The following RSPH14 variants were observed in gnomAD, a reference collection of about 807,000 sequenced individuals.
RSPH14 encodes the protein rhabdoid tumor deletion region gene 1.
In RSPH14, 20 loss-of-function variants were observed where a neutral mutation model predicts 26.7. That is an observed-to-expected ratio of 0.75 (90% CI 0.53 to 1.09). The LOEUF (loss-of-function observed/expected upper bound fraction) is 1.09, where lower values mean the gene tolerates loss of function less well. Ranked by LOEUF, RSPH14 falls within the 50% of genes least tolerant of loss-of-function variation. The pLI, the probability that RSPH14 is intolerant of heterozygous loss-of-function variation, is 0.00. For synonymous variants in RSPH14, 177 were observed against 189.3 expected, an observed-to-expected ratio of 0.93 and a Z score of 0.53; for missense variants, 449 against 457.2, an observed-to-expected ratio of 0.98 and a Z score of 0.16.
intron 4 of RSPH14, among the ~76,000 whole-genome samples, chr22:23,130,667 T>A (rs1374784024): frequency 6.6e-6 from 1 of 152,072 alleles, no homozygotes; most frequent in South Asian, 2.1e-4. Context: ...GAATCCAGGA[T>A]AAATTACACA....
intron 4 of RSPH14, among the ~76,000 whole-genome samples, chr22:23,127,979 G>A (rs982882851): frequency 2.0e-5 from 3 of 152,044 alleles, no homozygotes; most frequent in Admixed American, 6.5e-5. Context: ...CTCCACCCCC[G>A]GGCTGCACAC....
At chr22:23,082,684 G>A (rs2068716671) in intron 4 of RSPH14, among the ~76,000 whole-genome samples, 1 of 152,056 alleles carries the variant, frequency 6.6e-6, no homozygotes, top group Non-Finnish European at 1.5e-5. Flanking sequence ...AGGCCAGCCT[G>A]GAAGCCCCTC....
At chr22:23,109,727 GT>G (rs1401323568) in intron 4 of RSPH14, among the ~76,000 whole-genome samples, 8 of 152,350 alleles carry the variant, frequency 5.3e-5, no homozygotes, top group Admixed American at 4.6e-4. Flanking sequence ...GCAGGGTTCA[GT>G]GTTAAAGGCC....
chr22:23,122,799 G>A, intron 4 of RSPH14: 1 of 473,782 alleles, frequency 2.1e-6, no homozygotes. Context: ...CACATCTGTA[G>A]CCCCAAAGCT....
the RSPH14 span, among the ~76,000 whole-genome samples, chr22:23,172,778 A>G: frequency 4.0e-5 from 6 of 151,088 alleles, no homozygotes; most frequent in Admixed American, 4.0e-4. Context: ...GTGAAACCCC[A>G]TCTCTACTAA....
At chr22:23,094,597 A>G (rs1335549040) in intron 4 of RSPH14, among the ~76,000 whole-genome samples, 1 of 152,186 alleles carries the variant, frequency 6.6e-6, no homozygotes, top group African/African-American at 2.4e-5. Flanking sequence ...CTTCTGCAGG[A>G]GTGAGGCAGC....
intron 4 of RSPH14, chr22:23,122,409 G>C (rs1161814377): frequency 1.3e-5 from 2 of 152,872 alleles, no homozygotes; most frequent in Non-Finnish European, 2.9e-5. Context: ...CGGCAGAGAG[G>C]CGGTGCCAGA....
At chr22:23,161,801 G>T in the RSPH14 span, 62 of 536,708 alleles carry the variant, frequency 1.2e-4, no homozygotes, top group Non-Finnish European at 2.4e-5. Flanking sequence ...ACACCACCGG[G>T]CCAGTGCAGG....
At chr22:23,121,601 G>A (rs548207039) in intron 4 of RSPH14, among the ~76,000 whole-genome samples, 9 of 152,272 alleles carry the variant, frequency 5.9e-5, no homozygotes, top group Admixed American at 1.3e-4. Flanking sequence ...GGTTACCAGC[G>A]TCATTGTCAC....
At chr22:23,126,151 G>A (rs906622539) in intron 4 of RSPH14, among the ~76,000 whole-genome samples, 2 of 152,138 alleles carry the variant, frequency 1.3e-5, no homozygotes, top group African/African-American at 2.4e-5. Context: ...CAGTAATTTC[G>A]CCGTGAGCAT....
the RSPH14 span, chr22:23,156,043 T>G: frequency 1.9e-6 from 3 of 1,609,412 alleles, no homozygotes; most frequent in East Asian, 6.7e-5. Flanking sequence ...GTGAGCAACA[T>G]GCCACGTCGG....
At chr22:23,076,665 G>T (rs1302861330) in intron 4 of RSPH14, among the ~76,000 whole-genome samples, 2 of 152,234 alleles carry the variant, frequency 1.3e-5, no homozygotes, top group African/African-American at 2.4e-5. Context: ...TGACTCAGTG[G>T]GGCCTTTGTC....
the RSPH14 span, among the ~76,000 whole-genome samples, chr22:23,168,754 A>G: frequency 6.6e-6 from 1 of 152,108 alleles, no homozygotes; most frequent in African/African-American, 2.4e-5. Context: ...GCCAGTGTCT[A>G]AGCCTGGGCC....
chr22:23,089,576 A>G (rs4822354), intron 4 of RSPH14, among the ~76,000 whole-genome samples: 3 of 151,980 alleles, frequency 2.0e-5, no homozygotes, highest in African/African-American at 7.3e-5. Context: ...ATGACCATGT[A>G]CCCATCCTGA....
chr22:23,144,106 A>AC (rs1358028114), upstream of RSPH14, among the ~76,000 whole-genome samples: 8 of 148,926 alleles, frequency 5.4e-5, no homozygotes, highest in African/African-American at 1.8e-4. Context: ...AAAAAAAAAA[A>AC]AAAAAAAAAA....
chr22:23,175,707 G>A, the RSPH14 span, among the ~76,000 whole-genome samples: 59 of 152,328 alleles, frequency 3.9e-4, 1 homozygote, highest in Admixed American at 9.2e-4. Flanking sequence ...CCTTGGTGAA[G>A]CCCCCTCCTC....
the RSPH14 span, chr22:23,162,143 C>G: frequency 6.0e-6 from 1 of 166,746 alleles, no homozygotes; most frequent in African/African-American, 2.4e-5. Flanking sequence ...CACGGATGCT[C>G]AAGGTTCCTG....
upstream of RSPH14, among the ~76,000 whole-genome samples, chr22:23,148,845 G>A (rs2070947473): frequency 6.6e-6 from 1 of 152,232 alleles, no homozygotes; most frequent in African/African-American, 2.4e-5. Flanking sequence ...CTGACAGAAA[G>A]AAGCAGCCAG....
upstream of RSPH14, chr22:23,142,000 A>G (rs988417149): frequency 1.0e-5 from 10 of 985,162 alleles, no homozygotes; most frequent in Non-Finnish European, 1.2e-5. Context: ...TGGCCAACCT[A>G]TTCAGTTGCC....
Sources: gnomAD v4.1 joint callset for allele counts (sites outside exome capture counted in the v4.1 genomes callset) on GRCh38, gnomAD v4.1.1 for gene constraint, MANE v1.5 for transcripts, NCBI Gene and HGNC (gene_info 2026-07-23, HGNC 2026-07-21) for gene names.